Variants in PRMT8 observed in about 807,000 individuals in gnomAD.
PRMT8 encodes the protein protein arginine methyltransferase 8, also known as protein arginine N-methyltransferase 8.
A neutral mutation model predicts 47.1 loss-of-function variants in PRMT8; 7 were observed. The observed-to-expected ratio is 0.15, with a 90% CI of 0.08 to 0.28. The LOEUF is 0.28. PRMT8 is among the 10% of genes least tolerant of loss of function. PRMT8 has a pLI of 1.00. For missense variants in PRMT8, 237 were observed against 505.4 expected (o/e 0.47, Z 5.09); for synonymous variants, 188 against 186.5 (o/e 1.01, Z -0.07).
At chr12:3,391,454 G>C (rs1864192106) in intron 1 of PRMT8, among the ~76,000 whole-genome samples, 1 of 152,194 alleles carries the variant, frequency 6.6e-6, no homozygotes, top group Non-Finnish European at 1.5e-5. Flanking sequence ...AATGCCCTGG[G>C]GCAAAATCAC....
At chr12:3,448,126 A>C (rs1315428946) in intron 1 of PRMT8, among the ~76,000 whole-genome samples, 1 of 152,206 alleles carries the variant, frequency 6.6e-6, no homozygotes, top group Non-Finnish European at 1.5e-5. Flanking sequence ...CCTCCTGAGC[A>C]GCTAGGACTA....
intron 2 of PRMT8, among the ~76,000 whole-genome samples, chr12:3,543,442 C>A (rs1216989336): frequency 6.6e-6 from 1 of 152,204 alleles, no homozygotes; most frequent in East Asian, 1.9e-4. Flanking sequence ...CTGGGCAAGA[C>A]CCATATTTCT....
At chr12:3,428,236 T>C (rs1267324148) in intron 1 of PRMT8, among the ~76,000 whole-genome samples, 4 of 149,176 alleles carry the variant, frequency 2.7e-5, no homozygotes, top group Non-Finnish European at 4.4e-5. Flanking sequence ...TTAAATCATC[T>C]TTTTCTTTCT....
chr12:3,465,226 TA>T (rs1190236698), intron 1 of PRMT8, among the ~76,000 whole-genome samples: 6 of 143,030 alleles, frequency 4.2e-5, no homozygotes, highest in Middle Eastern at 3.7e-3. Context: ...TTTATAAATA[TA>T]AAATATATAT....
intron 4 of PRMT8, among the ~76,000 whole-genome samples, chr12:3,555,391 CA>C (rs574676472): frequency 4.4e-4 from 67 of 152,276 alleles, no homozygotes; most frequent in Non-Finnish European, 8.2e-4. Flanking sequence ...GCATCTCAGA[CA>C]GAAGTTACAG....
At chr12:3,589,622 G>A (rs1413491070) in intron 8 of PRMT8, among the ~76,000 whole-genome samples, 1 of 152,178 alleles carries the variant, frequency 6.6e-6, no homozygotes, top group Non-Finnish European at 1.5e-5. Context: ...CTTTGATGGA[G>A]AATCAGGATT....
intron 1 of PRMT8, among the ~76,000 whole-genome samples, chr12:3,466,388 C>T (rs564942540): frequency 6.6e-5 from 10 of 152,220 alleles, no homozygotes; most frequent in African/African-American, 1.9e-4. Flanking sequence ...TTCAGAACCC[C>T]GGCCAGGTCT....
chr12:3,384,933 A>C (rs1350852750), intron 1 of PRMT8, among the ~76,000 whole-genome samples: 1 of 127,496 alleles, frequency 7.8e-6, no homozygotes, highest in Non-Finnish European at 1.6e-5. Context: ...AACTTCTTTC[A>C]AACTTCCCCT....
At chr12:3,585,814 G>T (rs781755372) in intron 8 of PRMT8, among the ~76,000 whole-genome samples, 1 of 152,106 alleles carries the variant, frequency 6.6e-6, no homozygotes, top group Non-Finnish European at 1.5e-5. Flanking sequence ...CAGCCAGGAG[G>T]GGGAAGGTGG....
intron 2 of PRMT8, among the ~76,000 whole-genome samples, chr12:3,545,150 T>C (rs1376164295): frequency 1.3e-5 from 2 of 152,206 alleles, no homozygotes; most frequent in Non-Finnish European, 2.9e-5. Flanking sequence ...AAGTAGGTGA[T>C]GTTATTACCA....
chr12:3,497,180 G>A (rs1865523433), intron 1 of PRMT8, among the ~76,000 whole-genome samples: 1 of 152,200 alleles, frequency 6.6e-6, no homozygotes, highest in Non-Finnish European at 1.5e-5. Flanking sequence ...GAACAGCCAA[G>A]GTAACTGAAA....
At position 3,460,787 on chromosome 12, in the gene PRMT8, G is replaced by A. The variant is rs147422259; in HGVS notation, c.48+79345G>A. 1.2e-4 allele frequency among the ~76,000 whole-genome samples: 18 copies of A among 152,300 alleles called. No individual in the cohort carries two copies. In the South Asian group the frequency reaches 1.2e-3, roughly 11 times the overall value. ...GCCCAAGCTTGTCACCACCATGCTC[G>A]TGGGGCAATGGTCAAGAGAAAGCCA... On this transcript the variant is annotated intron_variant, in intron 1 of 9. Coordinates refer to the PRMT8 transcript ENST00000452611.
intron 1 of PRMT8, among the ~76,000 whole-genome samples, chr12:3,451,821 G>A (rs74057423): frequency 4.6e-5 from 7 of 152,142 alleles, no homozygotes; most frequent in Admixed American, 3.3e-4. Flanking sequence ...GTGTCTTGAC[G>A]TTGCTAATTT....
chr12:3,569,754 A>G lies in PRMT8; in HGVS notation c.712+190A>G, dbSNP rs1866812265. ...CTAGTCCCAAGGGTGTTAGGTCTAC[A>G]GACAGAAAATAAGCCATATGGCTGG... On this transcript the variant is annotated intron_variant, in intron 6 of 9. Coordinates refer to ENST00000382622, the MANE Select transcript of PRMT8 (RefSeq NM_019854.5). This position sits in a 1 kb window ranked among gnomAD's most constrained non-coding sequence, Gnocchi z 8.2. Among the ~76,000 whole-genome samples, 1 of 152,228 alleles carries G rather than the reference A, an allele frequency of 6.6e-6. No individual in the cohort carries two copies. The highest frequency in any genetic ancestry group is 2.1e-4 in the South Asian group (1 of 4,832).
intron 1 of PRMT8, among the ~76,000 whole-genome samples, chr12:3,530,003 A>G (rs1036015850): frequency 5.3e-5 from 8 of 152,176 alleles, no homozygotes; most frequent in Admixed American, 2.0e-4. Flanking sequence ...GGAATTATGG[A>G]TGCTTAATAA....
At chr12:3,396,577 G>GGCTTGTAGAGTTTCTACTAAC (rs1565397728) in intron 1 of PRMT8, among the ~76,000 whole-genome samples, 2 of 152,228 alleles carry the variant, frequency 1.3e-5, no homozygotes, top group Non-Finnish European at 2.9e-5. Context: ...TCTGCCGAAA[G>GGCTTGTAGAGTTTCTACTAAC]ATCCACTGTT....
intron 1 of PRMT8, among the ~76,000 whole-genome samples, chr12:3,533,947 C>G (rs995493099): frequency 2.6e-5 from 4 of 152,216 alleles, no homozygotes; most frequent in African/African-American, 9.7e-5. Context: ...GGAGCCACAG[C>G]TTAGATCACA....
rs1347345906 is a variant in PRMT8, at chr12:3,436,741, C to T, written c.48+55299C>T. On this transcript the variant is annotated intron_variant, in intron 1 of 9. Coordinates refer to the PRMT8 transcript ENST00000452611. The surrounding 1 kb of genome is among the most constrained non-coding windows in gnomAD (Gnocchi z 4.2). ...AACATCAAGGTGAAGTTATTTCCAGCGGATCGATTGCAGCATCTCCCCGAC... is the reference window on the plus strand; with the variant it reads ...AACATCAAGGTGAAGTTATTTCCAGTGGATCGATTGCAGCATCTCCCCGAC... 2.0e-5 allele frequency among the ~76,000 whole-genome samples: 3 copies of T among 152,272 alleles called. No homozygotes were observed. Among genetic ancestry groups the T allele is most frequent in the Admixed American group, 6.5e-5 (1 of 15,294 alleles).
rs74057474 is a variant in PRMT8, at chr12:3,509,199, G to A, written c.75+17499G>A. The stretch of plus-strand genomic sequence containing the variant: ...TAGGATCATGACCCACTCCTCACCC[G>A]GGCTCAGGAGCCCCTGTGTAATCAT... On this transcript the variant is annotated intron_variant, in intron 1 of 9. Coordinates refer to ENST00000382622, the MANE Select transcript of PRMT8 (RefSeq NM_019854.5). Among the ~76,000 whole-genome samples, 546 of 152,160 alleles carry A rather than the reference G, an allele frequency of 3.6e-3. 6 individuals carry two copies. Among genetic ancestry groups the A allele is most frequent in the African/African-American group, 0.013 (519 of 41,490 alleles).
Sources: allele counts gnomAD v4.1 joint callset (sites outside exome capture counted in the v4.1 genomes callset), GRCh38; gene constraint gnomAD v4.1.1; non-coding constraint Gnocchi (gnomAD v3.1); transcripts MANE v1.5; gene names NCBI Gene and HGNC (gene_info 2026-07-23, HGNC 2026-07-21).